The following FAM161A variants were observed in gnomAD, a reference collection of about 807,000 sequenced individuals.
The protein encoded by FAM161A is protein FAM161A.
FAM161A carries 57 observed loss-of-function variants against 70.9 expected under a neutral mutation model. That is an observed-to-expected ratio of 0.80 (90% CI 0.65 to 1.00). The LOEUF (loss-of-function observed/expected upper bound fraction) is 1.00, where lower values mean the gene tolerates loss of function less well. FAM161A is among the 50% of genes least tolerant of loss of function. The probability of loss-of-function intolerance (pLI) is 0.00; values close to 1 mark genes in which losing one functional copy is unlikely to be tolerated. For synonymous variants in FAM161A, 299 were observed against 295.7 expected (o/e 1.01, Z -0.12); for missense variants, 880 against 836.0 (o/e 1.05, Z -0.65).
chr2:61,813,333 G>A, the FAM161A span, among the ~76,000 whole-genome samples: 7 of 151,314 alleles, frequency 4.6e-5, no homozygotes, highest in African/African-American at 1.7e-4. Context: ...ACAAGGTCAG[G>A]AGTTCAAGAC....
intron 5 of FAM161A, among the ~76,000 whole-genome samples, chr2:61,833,926 T>C (rs1046724421): frequency 6.6e-6 from 1 of 152,134 alleles, no homozygotes; most frequent in Non-Finnish European, 1.5e-5. Context: ...CTTGGGATGC[T>C]CATACTGGGG....
chr2:61,806,354 G>A, the FAM161A span, among the ~76,000 whole-genome samples: 1 of 152,160 alleles, frequency 6.6e-6, no homozygotes, highest in African/African-American at 2.4e-5. Context: ...TTAGTCCCAG[G>A]TTAAGAGTGT....
rs772634265 is a variant in FAM161A, at chr2:61,842,128, G to A, written c.416C>T (p.Ser139Phe). ...CATTGAGTTACAAGCTTACCTGGAAGAGTCACTAAGAGAGTCTTCTCTGAT... is the reference window on the plus strand; with the variant it reads ...CATTGAGTTACAAGCTTACCTGGAAAAGTCACTAAGAGAGTCTTCTCTGAT... ...VVIREDSLSD[S>F]SRSVSEKNSY... Residue 139 changes from serine (S) to phenylalanine (F), a missense_variant, in exon 2 of 7, where the codon TCT becomes TTT. Transcript: ENST00000404929. 1 of 1,546,550 alleles carries A rather than the reference G, an allele frequency of 6.5e-7. No homozygotes were observed. The highest frequency in any genetic ancestry group is 8.9e-7 in the Non-Finnish European group (1 of 1,118,544).
intron 4 of FAM161A, among the ~76,000 whole-genome samples, chr2:61,838,033 A>G (rs1123575): frequency 0.94 from 143,095 of 152,284 alleles, 67,414 homozygotes; most frequent in East Asian, 1. Context: ...TTGTACTGCA[A>G]AATTCTAGTG....
chr2:61,834,587 CAAG>C (rs1455558067), intron 5 of FAM161A, among the ~76,000 whole-genome samples: 1 of 152,002 alleles, frequency 6.6e-6, no homozygotes, highest in Non-Finnish European at 1.5e-5. Flanking sequence ...CTCAGCCTCC[CAAG>C]TAGTTGGGAC....
rs1672954176 is a variant in FAM161A at position 61,840,102 on chromosome 2, T to C, written c.902A>G (p.Lys301Arg). 1 of 1,614,132 alleles carries C rather than the reference T, an allele frequency of 6.2e-7. No homozygotes were observed. The highest frequency in any genetic ancestry group is 8.5e-7 in the Non-Finnish European group (1 of 1,180,054). ...VFLPLYHDLV[K>R]QKEERRRSLK... ...AGACCTTCTCCGTTCTTCTTTTTGC[T>C]TGACTAAATCATGGTAAAGGGGGAG... Residue 301 changes from lysine (K) to arginine (R), a missense_variant, in exon 3 of 7, where the codon AAG becomes AGG. Lys to Arg is a conservative substitution (Grantham distance 26, BLOSUM62 2). Coordinates refer to ENST00000404929, the MANE Select transcript of FAM161A (RefSeq NM_001201543.2).
intron 1 of FAM161A, among the ~76,000 whole-genome samples, chr2:61,844,772 T>C (rs1430866377): frequency 2.0e-5 from 3 of 152,234 alleles, no homozygotes; most frequent in African/African-American, 7.2e-5. Context: ...GACATGTATA[T>C]AAATAATAGA....
chr2:61,828,295 A>G (rs1672449843), intron 5 of FAM161A, among the ~76,000 whole-genome samples: 1 of 151,986 alleles, frequency 6.6e-6, no homozygotes, highest in Non-Finnish European at 1.5e-5. Context: ...AAAAAAAAAA[A>G]AAGATTTCAT....
chr2:61,836,997 TG>T (rs1320465268), intron 4 of FAM161A: 1 of 154,402 alleles, frequency 6.5e-6, no homozygotes, highest in East Asian at 1.9e-4. Flanking sequence ...CTCGAGTAGG[TG>T]GAACTACAGG....
intron 4 of FAM161A, among the ~76,000 whole-genome samples, chr2:61,838,288 G>C (rs892594088): frequency 6.6e-6 from 1 of 152,120 alleles, no homozygotes; most frequent in African/African-American, 2.4e-5. Flanking sequence ...CATTAACTAA[G>C]GCCACAATAG....
downstream of FAM161A, among the ~76,000 whole-genome samples, chr2:61,821,268 G>C (rs1001061221): frequency 1.3e-5 from 2 of 152,032 alleles, no homozygotes; most frequent in African/African-American, 4.8e-5. Context: ...GGCCAGGCTG[G>C]TCTCAAACTC....
rs748311212 is a variant in FAM161A, at chr2:61,839,518, T to C, written c.1486A>G (p.Lys496Glu). The C allele has an allele frequency of 6.2e-7, 1 of 1,614,198 alleles. No individual in the cohort carries two copies. The highest frequency in any genetic ancestry group is 1.1e-5 in the South Asian group (1 of 91,080). The change falls in exon 3 of 7, where the codon AAG (lysine) becomes GAG (glutamate). Residue 496 changes from lysine to glutamate, a missense_variant. By Grantham distance (56) the Lys-to-Glu change is moderately conservative. Coordinates refer to ENST00000404929, the MANE Select transcript of FAM161A (RefSeq NM_001201543.2). ...TRWPYLSPRR[K>E]SPVRCAGVNP... ...ACACCTGCACATCTTACTGGTGACT[T>C]ACGCCTTGGAGACAAATAAGGCCAA...
In FAM161A at chr2:61,825,639, C is replaced by CT. The variant is rs759062810; in HGVS notation, c.*815dup. 31,047 of 375,228 alleles carry CT rather than the reference C, an allele frequency of 0.083. No individual in the cohort carries two copies. Among genetic ancestry groups the CT allele is most frequent in the South Asian group, 0.12 (5,864 of 49,496 alleles). 23.2% of individuals were successfully genotyped at this position (375,228 alleles called of 1,614,324 possible). ...TTGCAAGTATCCATTTTTTTCTATA[C>CT]TTTTTTTTTTTTTTTGGAGACGGAG... On this transcript the variant is annotated 3_prime_UTR_variant, in exon 7 of 7. Coordinates refer to ENST00000404929, the MANE Select transcript of FAM161A (RefSeq NM_001201543.2).
At chr2:61,829,723 CA>C (rs1452718673) in intron 5 of FAM161A, among the ~76,000 whole-genome samples, 1 of 152,166 alleles carries the variant, frequency 6.6e-6, no homozygotes, top group Non-Finnish European at 1.5e-5. Context: ...AGTAAGCCTT[CA>C]TCTGACTTTG....
At chr2:61,808,508 G>C in the FAM161A span, among the ~76,000 whole-genome samples, 9 of 152,054 alleles carry the variant, frequency 5.9e-5, no homozygotes, top group Non-Finnish European at 1.2e-4. Flanking sequence ...TCCTGGCCTT[G>C]TGATCCACCC....
At chr2:61,803,200 A>G in the FAM161A span, 2 of 559,282 alleles carry the variant, frequency 3.6e-6, no homozygotes, top group South Asian at 3.2e-5. Flanking sequence ...AGAAATTCAG[A>G]AAAAACTAGC....
At chr2:61,828,148 A>G (rs1330791889) in intron 5 of FAM161A, among the ~76,000 whole-genome samples, 1 of 152,258 alleles carries the variant, frequency 6.6e-6, no homozygotes, top group Non-Finnish European at 1.5e-5. Context: ...GTGATCTGCA[A>G]TGGCACATAG....
At chr2:61,817,288 A>C in the FAM161A span, among the ~76,000 whole-genome samples, 1 of 152,176 alleles carries the variant, frequency 6.6e-6, no homozygotes, top group African/African-American at 2.4e-5. Context: ...TTTAAAAGAA[A>C]ATCCTGCAGA....
chr2:61,847,949 C>T lies in FAM161A; in HGVS notation c.184-5589G>A, dbSNP rs182637580. On this transcript the variant is annotated intron_variant, in intron 1 of 6. Coordinates refer to ENST00000404929, the MANE Select transcript of FAM161A (RefSeq NM_001201543.2). ...CTTGGGAAGAGGGCAGTTACTCCCT[C>T]CCAAAAGAATGAACCATGCAAAGAA... is the stretch of plus-strand genomic sequence containing the variant. 1.8e-4 allele frequency among the ~76,000 whole-genome samples: 27 copies of T among 152,146 alleles called. No individual in the cohort carries two copies. In the East Asian group the frequency reaches 5.2e-3, roughly 29 times the overall value.
Sources: allele counts gnomAD v4.1 joint callset (sites outside exome capture counted in the v4.1 genomes callset), GRCh38; gene constraint gnomAD v4.1.1; transcripts MANE v1.5; gene names NCBI Gene and HGNC (gene_info 2026-07-23, HGNC 2026-07-21).